The following SIRPG variants were observed in gnomAD, a reference collection of about 807,000 sequenced individuals.
SIRPG encodes signal regulatory protein gamma.
Under a neutral mutation model 35.7 loss-of-function variants are expected in SIRPG, and 38 were observed. That is an observed-to-expected ratio of 1.06 (90% CI 0.82 to 1.40). The LOEUF (loss-of-function observed/expected upper bound fraction) is 1.40. Among genes scored for constraint, SIRPG ranks in the 40% most tolerant of loss-of-function variants. The pLI is 0.00. For missense variants in SIRPG, 519 were observed against 483.0 expected (o/e 1.07, Z -0.70); for synonymous variants, 215 against 190.4 (o/e 1.13, Z -1.06).
the SIRPG span, among the ~76,000 whole-genome samples, chr20:1,663,269 T>C: frequency 2.6e-5 from 4 of 152,092 alleles, no homozygotes; most frequent in Non-Finnish European, 5.9e-5. Context: ...GCCGAGATCG[T>C]GCCACTGCAC....
chr20:1,670,829 G>T, the SIRPG span: 1 of 184,622 alleles, frequency 5.4e-6, no homozygotes, highest in Non-Finnish European at 1.1e-5. Context: ...GAGAGGAGGA[G>T]CAGGCTTGGC....
rs1009052397 is a variant in SIRPG, at chr20:1,649,113, T to C, written c.369A>G (p.Arg123=). Residue 123 remains arginine, a synonymous_variant, in exon 2 of 6, where the codon CGA becomes CGG. Coordinates refer to ENST00000303415, the MANE Select transcript of SIRPG (RefSeq NM_018556.4). ...DVGTYYCVKF[R]KGSPENVEFK... ...ACTCCACGTTCTCAGGGCTCCCTTT[T>C]CGAAACTTCACACAGTAGTATGTGC... is the stretch of plus-strand genomic sequence containing the variant. The C allele has an allele frequency of 9.3e-6, 15 of 1,613,818 alleles. No homozygotes were observed. The African/African-American group carries it at 1.5e-4, about 16-fold the overall frequency.
the SIRPG span, among the ~76,000 whole-genome samples, chr20:1,674,037 T>G: frequency 6.6e-6 from 1 of 152,176 alleles, no homozygotes; most frequent in Non-Finnish European, 1.5e-5. Flanking sequence ...CCCATGTTAT[T>G]CTGAAGCATC....
the SIRPG span, among the ~76,000 whole-genome samples, chr20:1,676,114 G>A: frequency 1.3e-5 from 2 of 152,340 alleles, no homozygotes; most frequent in South Asian, 4.1e-4. Flanking sequence ...GGGTGGGAAT[G>A]CATCAACTGG....
chr20:1,668,199 T>TTTC, the SIRPG span, among the ~76,000 whole-genome samples: 638 of 67,358 alleles, frequency 9.5e-3, 4 homozygotes, highest in East Asian at 0.046. Context: ...TTTTCTTTTC[T>TTTC]TTTCTTTCTT....
intron 2 of SIRPG, among the ~76,000 whole-genome samples, chr20:1,640,823 T>C (rs2091846306): frequency 6.6e-6 from 1 of 152,172 alleles, no homozygotes; most frequent in Admixed American, 6.5e-5. Context: ...CATGAAGCGG[T>C]GTTGAATTGT....
intron 4 of SIRPG, among the ~76,000 whole-genome samples, chr20:1,634,887 C>T (rs1277176327): frequency 6.6e-6 from 1 of 151,414 alleles, no homozygotes; most frequent in East Asian, 2.0e-4. Context: ...ACTAAAAATA[C>T]AAAAAATTAG....
chr20:1,632,551 A>T (rs1209827672), intron 4 of SIRPG, among the ~76,000 whole-genome samples: 2 of 152,184 alleles, frequency 1.3e-5, no homozygotes, highest in African/African-American at 4.8e-5. Context: ...CAGTGGGTGG[A>T]TGAATAACTG....
At chr20:1,650,648 G>A (rs1007329533) in intron 1 of SIRPG, among the ~76,000 whole-genome samples, 8 of 151,698 alleles carry the variant, frequency 5.3e-5, no homozygotes, top group South Asian at 2.1e-4. Flanking sequence ...TTAGAGTTCC[G>A]GGGAAAAAAA....
the SIRPG span, chr20:1,666,777 C>G: frequency 2.6e-5 from 4 of 152,304 alleles, no homozygotes; most frequent in Admixed American, 2.0e-4. Flanking sequence ...CCAGAGCAAA[C>G]AGTTCTGCTA....
At chr20:1,633,516 T>C (rs2091767402) in intron 4 of SIRPG, 1 of 152,236 alleles carries the variant, frequency 6.6e-6, no homozygotes, top group South Asian at 2.1e-4. Flanking sequence ...AGTCATAAGA[T>C]CACCCAACTA....
At chr20:1,663,036 C>T in the SIRPG span, among the ~76,000 whole-genome samples, 2 of 151,926 alleles carry the variant, frequency 1.3e-5, no homozygotes, top group African/African-American at 2.4e-5. Context: ...AATCATGGCC[C>T]GGCGCGGTAG....
the SIRPG span, among the ~76,000 whole-genome samples, chr20:1,662,810 G>A: frequency 2.0e-5 from 3 of 152,258 alleles, no homozygotes; most frequent in Admixed American, 1.3e-4. Context: ...ATATAATACA[G>A]TGCTGAGGAG....
chr20:1,634,856 A>C (rs1174538420), intron 4 of SIRPG, among the ~76,000 whole-genome samples: 2 of 151,770 alleles, frequency 1.3e-5, no homozygotes, highest in Non-Finnish European at 2.9e-5. Context: ...ATCCTGGCTA[A>C]CACGGTGAAA....
At chr20:1,680,243 A>G in the SIRPG span, among the ~76,000 whole-genome samples, 3 of 152,216 alleles carry the variant, frequency 2.0e-5, no homozygotes, top group Non-Finnish European at 4.4e-5. Flanking sequence ...CATGTTGGCC[A>G]TGAATTTCCC....
At chr20:1,672,284 C>T in the SIRPG span, among the ~76,000 whole-genome samples, 1 of 152,200 alleles carries the variant, frequency 6.6e-6, no homozygotes, top group South Asian at 2.1e-4. Flanking sequence ...CGTGAATACA[C>T]CGAGATCTCT....
intron 2 of SIRPG, among the ~76,000 whole-genome samples, chr20:1,645,604 C>T (rs1016073058): frequency 6.6e-6 from 1 of 152,174 alleles, no homozygotes; most frequent in African/African-American, 2.4e-5. Context: ...GAGCATGTTA[C>T]ACGATTTAAC....
chr20:1,682,206 G>T, the SIRPG span, among the ~76,000 whole-genome samples: 1 of 152,106 alleles, frequency 6.6e-6, no homozygotes, highest in African/African-American at 2.4e-5. Context: ...AGAGAGTGTG[G>T]GCAACAGGGA....
At chr20:1,673,665 C>T in the SIRPG span, among the ~76,000 whole-genome samples, 1 of 152,028 alleles carries the variant, frequency 6.6e-6, no homozygotes, top group African/African-American at 2.4e-5. Flanking sequence ...ATTCTCTCCC[C>T]TTTTCTGAAC....
Sources: gnomAD v4.1 joint callset for allele counts (sites outside exome capture counted in the v4.1 genomes callset) on GRCh38, gnomAD v4.1.1 for gene constraint, MANE v1.5 for transcripts, NCBI Gene and HGNC (gene_info 2026-07-23, HGNC 2026-07-21) for gene names.